Variants in PALM observed in about 807,000 individuals in gnomAD.
The protein encoded by PALM is paralemmin-1.
PALM carries 18 observed loss-of-function variants against 30.7 expected under a neutral mutation model. The ratio of observed to expected loss-of-function variants is 0.59; its 90% CI spans 0.41 to 0.87. The LOEUF (loss-of-function observed/expected upper bound fraction) is 0.87. Among genes scored for constraint, PALM ranks in the 40% least tolerant of loss-of-function variants. The pLI is 0.00. For synonymous variants in PALM, 286 were observed against 242.8 expected (o/e 1.18, Z -1.66); for missense variants, 529 against 555.4 (o/e 0.95, Z 0.48).
intron 8 of PALM, among the ~76,000 whole-genome samples, chr19:745,153 C>G (rs1317511708): frequency 6.6e-6 from 1 of 152,190 alleles, no homozygotes; most frequent in East Asian, 1.9e-4. Context: ...GCACTCCAGC[C>G]TGGGCAACAA....
At chr19:737,808 T>A (rs1173421448) in intron 7 of PALM, among the ~76,000 whole-genome samples, 1 of 150,390 alleles carries the variant, frequency 6.6e-6, no homozygotes, top group Non-Finnish European at 1.5e-5. Flanking sequence ...GGAGGAGAGA[T>A]GATGGAGAGA....
intron 6 of PALM, 76 bp from the exon 7 acceptor site, chr19:735,943 C>T (rs1268747577): frequency 4.9e-6 from 6 of 1,229,860 alleles, no homozygotes; most frequent in East Asian, 2.4e-5. Flanking sequence ...TGTGAAGGGG[C>T]GTTGGGCTGT....
chr19:709,113 G>A lies in PALM; in HGVS notation c.-34G>A, dbSNP rs995486395. 1.9e-4 allele frequency: 51 copies of A among 273,060 alleles called. No individual in the cohort carries two copies. Among genetic ancestry groups the A allele is most frequent in the Admixed American group, 6.6e-4 (12 of 18,174 alleles). The allele number at this position is 273,060 out of a possible 1,614,324, so 16.9% of individuals were successfully genotyped here. A position where few individuals can be genotyped will look rare whatever the true frequency, so the allele number is the denominator to read the frequency against. On this transcript the variant is annotated 5_prime_UTR_variant, in exon 1 of 9. Coordinates refer to ENST00000338448, the MANE Select transcript of PALM (RefSeq NM_002579.3). This position sits in a 1 kb window ranked among gnomAD's most constrained non-coding sequence, Gnocchi z 4.3. ...GCGCCACCCGCGCCCGCCCCCGCCCGGCACCGCGGACCCACCCGGACCTCG... is the reference window on the plus strand; with the variant it reads ...GCGCCACCCGCGCCCGCCCCCGCCCAGCACCGCGGACCCACCCGGACCTCG...
At chr19:710,219 AT>A (rs2032026932) in intron 1 of PALM, among the ~76,000 whole-genome samples, 1 of 151,706 alleles carries the variant, frequency 6.6e-6, no homozygotes, top group Non-Finnish European at 1.5e-5. Context: ...TTCCCCGGGG[AT>A]TCACCCGTGA....
At chr19:717,593 C>T (rs905730177) in intron 1 of PALM, among the ~76,000 whole-genome samples, 4 of 152,048 alleles carry the variant, frequency 2.6e-5, no homozygotes, top group African/African-American at 9.7e-5. Flanking sequence ...TCTGTAGTTA[C>T]CCCCCGAGAT....
At chr19:745,706 C>T (rs1723618358) in intron 8 of PALM, among the ~76,000 whole-genome samples, 1 of 150,126 alleles carries the variant, frequency 6.7e-6, no homozygotes, top group African/African-American at 2.5e-5. Context: ...AAAAAAATCC[C>T]AATTCATTCC....
chr19:729,580 C>T (rs952913766), intron 4 of PALM, among the ~76,000 whole-genome samples: 10 of 150,860 alleles, frequency 6.6e-5, no homozygotes, highest in South Asian at 2.1e-4. Context: ...ATTCTCCTGC[C>T]TCAGCCTTCT....
At chr19:710,651 G>GCCCCCCC (rs763250940) in intron 1 of PALM, among the ~76,000 whole-genome samples, 40 of 114,160 alleles carry the variant, frequency 3.5e-4, no homozygotes, top group East Asian at 6.6e-4. Flanking sequence ...AGGAGCTGCT[G>GCCCCCCC]CCCCCCCCCC....
intron 4 of PALM, among the ~76,000 whole-genome samples, chr19:730,395 GT>G (rs2032833865): frequency 6.6e-6 from 1 of 152,314 alleles, no homozygotes; most frequent in African/African-American, 2.4e-5. Flanking sequence ...TCATATCCCG[GT>G]TTTGTTTTCC....
At chr19:736,925 C>T (rs899288570) in intron 7 of PALM, among the ~76,000 whole-genome samples, 17 of 152,302 alleles carry the variant, frequency 1.1e-4, no homozygotes, top group South Asian at 2.1e-4. Context: ...TGGTGGTGCA[C>T]GCCTGTAATC....
At chr19:723,361 G>A (rs919508488) in intron 1 of PALM, among the ~76,000 whole-genome samples, 1 of 151,990 alleles carries the variant, frequency 6.6e-6, no homozygotes, top group Admixed American at 6.6e-5. Flanking sequence ...GTTGGGGGTC[G>A]GGGGAACCTG....
rs1568233958 is a variant in PALM at position 742,616 on chromosome 19, A to AAG, written c.634+2134_634+2135insGA. 9.5e-5 allele frequency among the ~76,000 whole-genome samples: 14 copies of AAG among 147,726 alleles called. No individual in the cohort carries two copies. The highest frequency in any genetic ancestry group is 2.0e-4 in the East Asian group (1 of 5,004). On this transcript the variant is annotated intron_variant, in intron 8 of 8. Transcript: ENST00000338448. This position sits in a 1 kb window ranked among gnomAD's most constrained non-coding sequence, Gnocchi z 5.5. ...GTGAAACTCTGTCTCAAAAAAAAAA[A>AAG]AAAGAAAGAAAAGAGAATAAATGGG...
chr19:736,631 G>T (rs1198727779), intron 7 of PALM, among the ~76,000 whole-genome samples: 1 of 152,170 alleles, frequency 6.6e-6, no homozygotes, highest in Non-Finnish European at 1.5e-5. Flanking sequence ...GAATTTCTCC[G>T]CCTGCCAGAG....
At chr19:719,453 C>A (rs2032381777) in intron 1 of PALM, 1 of 985,080 alleles carries the variant, frequency 1.0e-6, no homozygotes, top group Non-Finnish European at 1.2e-6. Flanking sequence ...GGACGGGAGG[C>A]CTGTGCGCGC....
At chr19:714,924 G>T (rs1328488684) in intron 1 of PALM, among the ~76,000 whole-genome samples, 1 of 152,116 alleles carries the variant, frequency 6.6e-6, no homozygotes, top group African/African-American at 2.4e-5. Context: ...CAAAGCGCTG[G>T]GAGTACACAC....
chr19:711,254 C>T (rs938088817), intron 1 of PALM: 3 of 899,364 alleles, frequency 3.3e-6, no homozygotes, highest in East Asian at 2.4e-4. Flanking sequence ...GAGAGAATCT[C>T]TGTGCTCTGG....
chr19:742,689 G>T lies in PALM; in HGVS notation c.634+2206G>T, dbSNP rs901860352. ...CTGTGTCTGGCGTCTCTCACTGGGC[G>T]TGACGTCCCCAAGGTGCATCGGCAC... On this transcript the variant is annotated intron_variant, in intron 8 of 8. Transcript: ENST00000338448. This position sits in a 1 kb window ranked among gnomAD's most constrained non-coding sequence, Gnocchi z 5.5. 6.6e-6 allele frequency among the ~76,000 whole-genome samples: 1 copy of T among 152,142 alleles called. No homozygotes were observed. Among genetic ancestry groups the T allele is most frequent in the Non-Finnish European group, 1.5e-5 (1 of 68,028 alleles).
chr19:744,158 T>C (rs1421116460), intron 8 of PALM, among the ~76,000 whole-genome samples: 1 of 151,990 alleles, frequency 6.6e-6, no homozygotes, highest in Non-Finnish European at 1.5e-5. Flanking sequence ...CCCAGCACTT[T>C]GGGAGGCTGA....
chr19:720,320 G>A (rs2144860535), intron 1 of PALM, among the ~76,000 whole-genome samples: 1 of 151,426 alleles, frequency 6.6e-6, no homozygotes, highest in East Asian at 2.0e-4. Context: ...GGTCTGGGGA[G>A]GGGCGAGGGG....
Sources: gnomAD v4.1 joint callset for allele counts (sites outside exome capture counted in the v4.1 genomes callset) on GRCh38, gnomAD v4.1.1 for gene constraint, Gnocchi (gnomAD v3.1) non-coding constraint, MANE v1.5 for transcripts, NCBI Gene and HGNC (gene_info 2026-07-23, HGNC 2026-07-21) for gene names.